Variants in SYT1 observed in about 807,000 individuals in gnomAD.
SYT1 encodes the protein synaptotagmin-1.
A neutral mutation model predicts 44.8 loss-of-function variants in SYT1; 8 were observed. The ratio of observed to expected loss-of-function variants is 0.18; its 90% CI spans 0.10 to 0.32. The LOEUF is 0.32. SYT1 is among the 10% of genes least tolerant of loss of function. The pLI, the probability that SYT1 is intolerant of heterozygous loss-of-function variation, is 1.00. For synonymous variants in SYT1, 154 were observed against 188.8 expected (o/e 0.82, Z 1.51); for missense variants, 286 against 509.3 (o/e 0.56, Z 4.22).
chr12:79,439,918 T>TTA (rs1555225847), intron 9 of SYT1, among the ~76,000 whole-genome samples: 1 of 146,674 alleles, frequency 6.8e-6, no homozygotes, highest in Admixed American at 6.8e-5. Context: ...TTGAATTCTT[T>TTA]AAAAAAAAAA....
At chr12:79,434,435 T>C (rs966841248) in intron 9 of SYT1, among the ~76,000 whole-genome samples, 1 of 152,226 alleles carries the variant, frequency 6.6e-6, no homozygotes, top group African/African-American at 2.4e-5. Context: ...TAAGTACTTG[T>C]AAATTATTTA....
chr12:79,133,233 A>G (rs1468164670), intron 3 of SYT1, among the ~76,000 whole-genome samples: 1 of 152,118 alleles, frequency 6.6e-6, no homozygotes, highest in Non-Finnish European at 1.5e-5. Context: ...AATTGCTAGA[A>G]GAGGGTCAGG....
chr12:79,270,564 G>C (rs898759894), intron 4 of SYT1, among the ~76,000 whole-genome samples: 1 of 152,132 alleles, frequency 6.6e-6, no homozygotes, highest in Non-Finnish European at 1.5e-5. Context: ...TGGATTTAAG[G>C]TTGTTTCTTA....
intron 9 of SYT1, among the ~76,000 whole-genome samples, chr12:79,420,525 A>G (rs1869042687): frequency 6.6e-6 from 1 of 151,960 alleles, no homozygotes; most frequent in Admixed American, 6.6e-5. Flanking sequence ...ACACTATCTC[A>G]AAGCTGAAAG....
intron 2 of SYT1, among the ~76,000 whole-genome samples, chr12:78,994,587 G>T (rs1870244675): frequency 1.5e-5 from 2 of 135,770 alleles, no homozygotes; most frequent in African/African-American, 5.5e-5. Flanking sequence ...TCAGGCTGGA[G>T]TGCAGTGGCG....
intron 3 of SYT1, among the ~76,000 whole-genome samples, chr12:79,160,424 TAA>T (rs1365105999): frequency 1.3e-5 from 2 of 152,034 alleles, no homozygotes; most frequent in Non-Finnish European, 2.9e-5. Flanking sequence ...ACTTACAAAA[TAA>T]AAAGTCTGGC....
intron 3 of SYT1, among the ~76,000 whole-genome samples, chr12:79,191,616 C>G (rs1329033796): frequency 2.6e-5 from 4 of 152,042 alleles, no homozygotes. Flanking sequence ...TTCATTATGC[C>G]AGGATGACTA....
intron 3 of SYT1, among the ~76,000 whole-genome samples, chr12:79,187,808 T>TAA (rs1427591840): frequency 6.6e-6 from 1 of 152,106 alleles, no homozygotes; most frequent in Non-Finnish European, 1.5e-5. Flanking sequence ...ATCTCGCTGA[T>TAA]ATGTTGGAAT....
At chr12:79,014,591 G>A (rs868202696) in intron 2 of SYT1, among the ~76,000 whole-genome samples, 1 of 152,004 alleles carries the variant, frequency 6.6e-6, no homozygotes, top group Non-Finnish European at 1.5e-5. Context: ...TGGAGAAATA[G>A]GAACACTTTT....
chr12:78,981,094 TG>T (rs1258719662), intron 2 of SYT1, among the ~76,000 whole-genome samples: 2 of 151,668 alleles, frequency 1.3e-5, no homozygotes, highest in Non-Finnish European at 2.9e-5. Context: ...TTTGTTTTTG[TG>T]TTTTTTGTTG....
intron 7 of SYT1, among the ~76,000 whole-genome samples, chr12:79,297,892 C>T (rs1592941276): frequency 1.3e-5 from 2 of 152,254 alleles, no homozygotes; most frequent in South Asian, 4.1e-4. Flanking sequence ...TCCCCCAAAA[C>T]AGTTATCTGA....
chr12:78,898,845 A>G (rs1298330631), intron 1 of SYT1, among the ~76,000 whole-genome samples: 1 of 152,144 alleles, frequency 6.6e-6, no homozygotes, highest in African/African-American at 2.4e-5. Context: ...CAATTTTTTA[A>G]CATGCGTGCA....
intron 2 of SYT1, among the ~76,000 whole-genome samples, chr12:79,044,326 C>T (rs914212615): frequency 2.0e-5 from 3 of 152,138 alleles, no homozygotes; most frequent in Non-Finnish European, 4.4e-5. Flanking sequence ...TTGCTCATTT[C>T]TTTTTATTCT....
At chr12:79,101,557 T>C (rs914973000) in intron 3 of SYT1, among the ~76,000 whole-genome samples, 3 of 152,106 alleles carry the variant, frequency 2.0e-5, no homozygotes, top group Non-Finnish European at 2.9e-5. Context: ...ACAATGTGAA[T>C]GTAGTTAATG....
intron 6 of SYT1, among the ~76,000 whole-genome samples, chr12:79,295,508 A>G (rs1879837284): frequency 6.6e-6 from 1 of 152,186 alleles, no homozygotes; most frequent in Non-Finnish European, 1.5e-5. Context: ...TAATCATTCT[A>G]CTGTAAGTTA....
At chr12:79,439,978 C>A (rs1159845595) in intron 9 of SYT1, among the ~76,000 whole-genome samples, 1 of 151,912 alleles carries the variant, frequency 6.6e-6, no homozygotes, top group Non-Finnish European at 1.5e-5. Context: ...GTAATCCCAG[C>A]ATTTTAAGAG....
intron 4 of SYT1, among the ~76,000 whole-genome samples, chr12:79,246,301 C>T (rs971596689): frequency 2.6e-5 from 4 of 152,122 alleles, no homozygotes; most frequent in Non-Finnish European, 5.9e-5. Context: ...TCTCTTTCAC[C>T]CATCAGCTTC....
intron 1 of SYT1, among the ~76,000 whole-genome samples, chr12:78,935,463 G>A (rs1256763034): frequency 6.6e-6 from 1 of 152,054 alleles, no homozygotes; most frequent in South Asian, 2.1e-4. Flanking sequence ...CAGAAGAAAG[G>A]CTATATACTA....
At chr12:78,918,326 G>A (rs1045448000) in intron 1 of SYT1, among the ~76,000 whole-genome samples, 1 of 151,972 alleles carries the variant, frequency 6.6e-6, no homozygotes, top group Admixed American at 6.6e-5. Context: ...TTCCAGGCAG[G>A]TTATCTGCCA....
Sources: allele counts gnomAD v4.1 joint callset (sites outside exome capture counted in the v4.1 genomes callset), GRCh38; gene constraint gnomAD v4.1.1; transcripts MANE v1.5; gene names NCBI Gene and HGNC (gene_info 2026-07-23, HGNC 2026-07-21).